The following PLCH2 variants were observed in gnomAD, a reference collection of about 807,000 sequenced individuals.
PLCH2 encodes phospholipase C eta 2, also known as 1-phosphatidylinositol 4,5-bisphosphate phosphodiesterase eta-2.
A neutral mutation model predicts 134.7 loss-of-function variants in PLCH2; 98 were observed. The observed-to-expected ratio is 0.73, with a 90% CI of 0.62 to 0.86. PLCH2 has a LOEUF of 0.86. Ranked by LOEUF, PLCH2 falls within the 40% of genes least tolerant of loss-of-function variation. The pLI, the probability that PLCH2 is intolerant of heterozygous loss-of-function variation, is 0.00. For synonymous variants in PLCH2, 974 were observed against 827.5 expected (o/e 1.18, Z -3.04); for missense variants, 1,994 against 1,986.6 (o/e 1.00, Z -0.07).
At chr1:2,441,868 G>A (rs932693390) in intron 2 of PLCH2, among the ~76,000 whole-genome samples, 2 of 152,150 alleles carry the variant, frequency 1.3e-5, no homozygotes, top group African/African-American at 4.8e-5. Context: ...TCAGGGCGCA[G>A]GGCTCTGTCA....
chr1:2,487,347 T>C lies in PLCH2; in HGVS notation c.1085T>C (p.Val362Ala), dbSNP rs757859114. The change falls in exon 7 of 22, where the codon GTC becomes GCC. Residue 362 changes from valine (V) to alanine (A), a missense_variant. Val to Ala is a moderately conservative substitution (Grantham distance 64, BLOSUM62 0). Transcript: ENST00000378486. Reference sequence around the variant, plus strand: ...TCACGGGTGGACATGTATGCTTGGGTCCTGCAGGCTGGCTGCCGCTGCGTG... The same window carrying C: ...TCACGGGTGGACATGTATGCTTGGGCCCTGCAGGCTGGCTGCCGCTGCGTG... ...SQSRVDMYAW[V>A]LQAGCRCVEV... The C allele has an allele frequency of 2.5e-6, 4 of 1,613,564 alleles. No individual in the cohort carries two copies. Among genetic ancestry groups the C allele is most frequent in the Non-Finnish European group, 3.4e-6 (4 of 1,179,868 alleles).
chr1:2,454,953 T>A (rs1640417319), intron 2 of PLCH2, among the ~76,000 whole-genome samples: 1 of 152,094 alleles, frequency 6.6e-6, no homozygotes, highest in East Asian at 1.9e-4. Context: ...TTGTCCAGGC[T>A]GGACCCTCCC....
intron 11 of PLCH2, chr1:2,494,537 A>T: frequency 2.2e-6 from 1 of 454,906 alleles, no homozygotes; most frequent in Non-Finnish European, 4.0e-6. Flanking sequence ...GTGGGAAAAA[A>T]GGATTCAGAA....
intron 2 of PLCH2, among the ~76,000 whole-genome samples, chr1:2,454,447 T>A (rs1053998274): frequency 6.6e-6 from 1 of 152,138 alleles, no homozygotes; most frequent in Non-Finnish European, 1.5e-5. Flanking sequence ...TGTGACATGA[T>A]GTGGTGTGGT....
At chr1:2,425,969 C>T (rs1284626031), upstream of PLCH2, 1 of 152,288 alleles carries the variant, frequency 6.6e-6, no homozygotes, top group Non-Finnish European at 1.5e-5. Flanking sequence ...AGAGCCTCCT[C>T]CCAGGAAAAC....
chr1:2,436,504 T>C (rs1209877945), intron 2 of PLCH2, among the ~76,000 whole-genome samples: 4 of 20,996 alleles, frequency 1.9e-4, no homozygotes, highest in African/African-American at 1.2e-3. Flanking sequence ...CTCCTCCTCC[T>C]TTCCTCCTTC....
chr1:2,460,890 G>A (rs1242413107), intron 2 of PLCH2, among the ~76,000 whole-genome samples: 2 of 152,234 alleles, frequency 1.3e-5, no homozygotes, highest in Non-Finnish European at 2.9e-5. Context: ...CACCTGCAGG[G>A]CAACAGCTGC....
At chr1:2,426,643 C>T (rs546695996) in intron 1 of PLCH2, among the ~76,000 whole-genome samples, 2 of 152,322 alleles carry the variant, frequency 1.3e-5, no homozygotes, top group South Asian at 4.1e-4. Context: ...GCGAGCTGGG[C>T]GGGCTCCACT....
At chr1:2,469,754 C>T (rs1178668527) in intron 1 of PLCH2, among the ~76,000 whole-genome samples, 1 of 152,210 alleles carries the variant, frequency 6.6e-6, no homozygotes, top group African/African-American at 2.4e-5. Context: ...GACGGACTTC[C>T]TGTGTGGGAA....
chr1:2,474,418 G>T (rs1016789072), upstream of PLCH2, among the ~76,000 whole-genome samples: 2 of 152,212 alleles, frequency 1.3e-5, no homozygotes, highest in Non-Finnish European at 2.9e-5. Flanking sequence ...GCCTCCACCC[G>T]CCTGGACAGT....
At chr1:2,474,812 A>T (rs982002278), upstream of PLCH2, among the ~76,000 whole-genome samples, 1 of 151,842 alleles carries the variant, frequency 6.6e-6, no homozygotes, top group African/African-American at 2.4e-5. Context: ...GCCCAGTATG[A>T]GGTGGGCAGG....
At chr1:2,441,282 C>A (rs2100526542) in intron 2 of PLCH2, among the ~76,000 whole-genome samples, 1 of 152,346 alleles carries the variant, frequency 6.6e-6, no homozygotes, top group South Asian at 2.1e-4. Context: ...GGCGCGGGCA[C>A]CACACGTATG....
chr1:2,422,704 G>A (rs1216832598), upstream of PLCH2, among the ~76,000 whole-genome samples: 1 of 152,132 alleles, frequency 6.6e-6, no homozygotes, highest in African/African-American at 2.4e-5. Flanking sequence ...TTGAGAAAGG[G>A]TCTTGCTCTG....
intron 2 of PLCH2, among the ~76,000 whole-genome samples, chr1:2,457,571 C>T (rs887721558): frequency 3.3e-5 from 5 of 152,166 alleles, no homozygotes; most frequent in African/African-American, 1.2e-4. Flanking sequence ...CCGCACCCAC[C>T]CTGGGGGAGC....
chr1:2,427,831 G>A (rs1344437200), intron 1 of PLCH2, among the ~76,000 whole-genome samples: 1 of 152,266 alleles, frequency 6.6e-6, no homozygotes, highest in African/African-American at 2.4e-5. Flanking sequence ...AGCCCTCCAG[G>A]GGTGGGAGCC....
intron 1 of PLCH2, among the ~76,000 whole-genome samples, chr1:2,426,570 G>A (rs1638807654): frequency 6.6e-6 from 1 of 152,248 alleles, no homozygotes; most frequent in Non-Finnish European, 1.5e-5. Flanking sequence ...CTGACCTAGG[G>A]CTGGCCCCTC....
chr1:2,495,431 G>A (rs1333102997), intron 12 of PLCH2, 57 bp from the exon 13 acceptor site: 17 of 1,478,124 alleles, frequency 1.2e-5, no homozygotes, highest in East Asian at 5.0e-5. Context: ...CCCAGCCTTC[G>A]CCAAGGCCTG....
rs1196550095 is a variant in PLCH2, at chr1:2,504,100, G to A, written c.3138G>A (p.Glu1046=). ...GAGCCAATGTGGCAAGCCCCCTAGA[G>A]GACACTGAGGAGCCCCGAGACAGCA... ...GPGANVASPL[E]DTEEPRDSRP... is the part of the protein sequence containing the mutation. Residue 1046 remains glutamate (E), a synonymous_variant, in exon 22 of 22, where the codon GAG becomes GAA. Coordinates refer to ENST00000378486, the MANE Select transcript of PLCH2 (RefSeq NM_014638.4). The A allele has an allele frequency of 1.3e-6, 2 of 1,531,060 alleles. No individual in the cohort carries two copies. The highest frequency in any genetic ancestry group is 1.8e-6 in the Non-Finnish European group (2 of 1,139,194). The allele number at this position is 1,531,060 out of a possible 1,614,324, so 94.8% of individuals were successfully genotyped here.
intron 2 of PLCH2, among the ~76,000 whole-genome samples, chr1:2,433,983 C>CT (rs1199274044): frequency 3.3e-5 from 4 of 122,072 alleles, no homozygotes; most frequent in Admixed American, 8.3e-5. Flanking sequence ...GCAGTGCAGT[C>CT]TCCCCGGGCA....
Sources: gnomAD v4.1 joint callset for allele counts (sites outside exome capture counted in the v4.1 genomes callset) on GRCh38, gnomAD v4.1.1 for gene constraint, MANE v1.5 for transcripts, NCBI Gene and HGNC (gene_info 2026-07-23, HGNC 2026-07-21) for gene names.